LRRC63: variants seen among roughly 807,000 people sequenced by gnomAD.
The protein encoded by LRRC63 is leucine rich repeat containing 63, also known as leucine-rich repeat-containing protein 63.
LRRC63 carries 40 observed loss-of-function variants against 49.5 expected under a neutral mutation model. The observed-to-expected ratio is 0.81, with a 90% CI of 0.63 to 1.05. The LOEUF is 1.05. LRRC63 is among the 50% of genes least tolerant of loss of function. LRRC63 has a pLI of 0.00. For synonymous variants in LRRC63, 191 were observed against 221.1 expected (o/e 0.86, Z 1.21); for missense variants, 636 against 663.1 (o/e 0.96, Z 0.45).
intron 7 of LRRC63, among the ~76,000 whole-genome samples, chr13:46,258,654 A>C (rs924421356): frequency 4.0e-5 from 6 of 150,290 alleles, no homozygotes; most frequent in Non-Finnish European, 7.4e-5. Flanking sequence ...CTAAAAATAC[A>C]AAAATTAGCT....
chr13:46,218,703 T>C (rs2046323571), intron 2 of LRRC63, among the ~76,000 whole-genome samples: 1 of 152,210 alleles, frequency 6.6e-6, no homozygotes. Flanking sequence ...GTGTTGATGG[T>C]CTTTACAATT....
chr13:46,221,649 T>G (rs1278511537), intron 2 of LRRC63, among the ~76,000 whole-genome samples: 2 of 152,210 alleles, frequency 1.3e-5, no homozygotes, highest in Non-Finnish European at 1.5e-5. Context: ...TATATGGGAC[T>G]GTGATATTTT....
Position 46,213,043 on chromosome 13 carries a change from GC to G in LRRC63, c.14del (p.Pro5HisfsTer35). ...ACTTATTATTCATTAAAATGCAAAA[GC>G]CCCCACTGCTTCTTCGAAGACCCTT... On this transcript the variant is annotated frameshift_variant, in exon 2 of 10. Transcript: ENST00000595396. LOFTEE classifies it high-confidence loss of function. 1 of 1,546,994 alleles carries G rather than the reference GC, an allele frequency of 6.5e-7. No homozygotes were observed. Among genetic ancestry groups the G allele is most frequent in the East Asian group, 2.4e-5 (1 of 40,822 alleles).
At chr13:46,224,004 C>T (rs2046494873) in intron 2 of LRRC63, among the ~76,000 whole-genome samples, 1 of 152,180 alleles carries the variant, frequency 6.6e-6, no homozygotes, top group Admixed American at 6.5e-5. Context: ...TGACTTTAGG[C>T]AGTCTCACTA....
intron 2 of LRRC63, among the ~76,000 whole-genome samples, chr13:46,226,994 T>G (rs1238565954): frequency 6.6e-6 from 1 of 152,216 alleles, no homozygotes; most frequent in Non-Finnish European, 1.5e-5. Context: ...AGAATACTTA[T>G]TGTTATAACC....
chr13:46,276,649 G>A (rs1179285918), exon 10 of LRRC63: 9 of 1,230,946 alleles, frequency 7.3e-6, no homozygotes, highest in Admixed American at 8.5e-5. Flanking sequence ...CGTGTCATCC[G>A]ATCCTGTGAT....
At position 46,261,907 on chromosome 13, in the gene LRRC63, A is replaced by G. The variant is rs2047620671; in HGVS notation, c.1227-2A>G. 1.0e-6 allele frequency: 1 copy of G among 953,928 alleles called. No individual in the cohort carries two copies. Among genetic ancestry groups the G allele is most frequent in the South Asian group, 4.8e-5 (1 of 20,878 alleles). 59.1% of individuals were successfully genotyped at this position (953,928 alleles called of 1,614,324 possible). A position where few individuals can be genotyped will look rare whatever the true frequency, so the allele number is the denominator to read the frequency against. On this transcript the variant is annotated splice_acceptor_variant, in intron 7 of 9. Coordinates refer to ENST00000595396, the Ensembl canonical transcript of LRRC63. LOFTEE classifies it high-confidence loss of function. ...ACAATTAATTTTCTCTTTCTATTTA[A>G]GGTTATTTTCCTTGTCTTATCTTGA... is the stretch of plus-strand genomic sequence containing the variant.
At chr13:46,252,989 C>T (rs907347816) in intron 7 of LRRC63, among the ~76,000 whole-genome samples, 17 of 151,770 alleles carry the variant, frequency 1.1e-4, no homozygotes, top group African/African-American at 2.4e-4. Flanking sequence ...TTATATTTTA[C>T]GTTATTCTAG....
At chr13:46,270,624 G>T in intron 9 of LRRC63, 2 of 834,150 alleles carry the variant, frequency 2.4e-6, no homozygotes, top group South Asian at 2.6e-5. Flanking sequence ...ACGTCATGAG[G>T]ACTGACATGG....
exon 10 of LRRC63, chr13:46,276,619 C>G: frequency 8.1e-7 from 1 of 1,230,764 alleles, no homozygotes; most frequent in Non-Finnish European, 1.0e-6. Context: ...TGTCATGGTC[C>G]CAAGTTTGGT....
exon 1 of LRRC63, chr13:46,212,145 G>A (rs1282596928): frequency 1.3e-5 from 2 of 152,418 alleles, no homozygotes; most frequent in East Asian, 3.9e-4. Context: ...TAGTGTGGGA[G>A]TCCAGCACTT....
intron 9 of LRRC63, among the ~76,000 whole-genome samples, chr13:46,272,363 A>G (rs891140687): frequency 6.6e-6 from 1 of 152,262 alleles, no homozygotes; most frequent in Non-Finnish European, 1.5e-5. Flanking sequence ...ATGAATGACG[A>G]TATACAGATA....
intron 9 of LRRC63, among the ~76,000 whole-genome samples, chr13:46,268,383 T>G (rs1025475358): frequency 2.6e-5 from 4 of 151,740 alleles, no homozygotes; most frequent in Non-Finnish European, 5.9e-5. Flanking sequence ...ATGGTGGGAG[T>G]CATTATTCAA....
chr13:46,266,764 G>A, exon 9 of LRRC63: 1 of 1,549,484 alleles, frequency 6.5e-7, no homozygotes, highest in Admixed American at 2.0e-5. Flanking sequence ...TGATGGGAAT[G>A]AACTGAGTTT....
intron 7 of LRRC63, among the ~76,000 whole-genome samples, chr13:46,260,497 G>A (rs901057947): frequency 6.6e-6 from 1 of 152,154 alleles, no homozygotes; most frequent in Middle Eastern, 3.2e-3. Flanking sequence ...GGCACTGGAT[G>A]TATAGAAATA....
chr13:46,243,972 T>C (rs1359937248), intron 5 of LRRC63, among the ~76,000 whole-genome samples: 3 of 152,096 alleles, frequency 2.0e-5, no homozygotes, highest in Non-Finnish European at 2.9e-5. Context: ...TTATCTCTAC[T>C]ACAAGAAATG....
intron 9 of LRRC63, among the ~76,000 whole-genome samples, chr13:46,271,486 T>C (rs1384315966): frequency 6.6e-6 from 1 of 152,096 alleles, no homozygotes; most frequent in Non-Finnish European, 1.5e-5. Flanking sequence ...TGAAACAAAG[T>C]AAAACTGCAA....
At chr13:46,259,744 C>G (rs1396670466) in intron 7 of LRRC63, among the ~76,000 whole-genome samples, 2 of 151,906 alleles carry the variant, frequency 1.3e-5, no homozygotes, top group Non-Finnish European at 2.9e-5. Context: ...CTTATAGCTT[C>G]CATTTTTTTA....
chr13:46,240,075 C>T (rs2047011620), intron 5 of LRRC63, among the ~76,000 whole-genome samples: 1 of 151,984 alleles, frequency 6.6e-6, no homozygotes, highest in African/African-American at 2.4e-5. Context: ...GGAAGCATTC[C>T]CCTTAAAAAC....
Sources: allele counts gnomAD v4.1 joint callset (sites outside exome capture counted in the v4.1 genomes callset), GRCh38; gene constraint gnomAD v4.1.1; transcripts MANE v1.5; gene names NCBI Gene and HGNC (gene_info 2026-07-23, HGNC 2026-07-21).